Variants in REDIC1 observed in about 807,000 individuals in gnomAD.
REDIC1 encodes HEI10 Interacting Protein 1.
chr12:39,794,694 C>T, the REDIC1 span, among the ~76,000 whole-genome samples: 1 of 152,166 alleles, frequency 6.6e-6, no homozygotes, highest in Non-Finnish European at 1.5e-5. Flanking sequence ...GTTATCCAAC[C>T]ATGTGGCAGC....
the REDIC1 span, among the ~76,000 whole-genome samples, chr12:39,670,149 G>A: frequency 1.9e-4 from 29 of 152,030 alleles, no homozygotes; most frequent in African/African-American, 7.0e-4. Context: ...CTCACGCTGG[G>A]AGCTGTAGAC....
chr12:39,637,555 G>A, the REDIC1 span, among the ~76,000 whole-genome samples: 3 of 152,044 alleles, frequency 2.0e-5, no homozygotes, highest in African/African-American at 7.2e-5. Context: ...TGCATGCTAT[G>A]GAAGTCATAT....
the REDIC1 span, among the ~76,000 whole-genome samples, chr12:39,727,245 T>C: frequency 6.6e-5 from 10 of 152,196 alleles, no homozygotes; most frequent in African/African-American, 1.7e-4. Context: ...TCCTGAATGG[T>C]ATTGCCTAGG....
the REDIC1 span, chr12:39,650,283 T>C: frequency 6.2e-7 from 1 of 1,611,730 alleles, no homozygotes; most frequent in Non-Finnish European, 8.5e-7. This position sits in a 1 kb window ranked among gnomAD's most constrained non-coding sequence, Gnocchi z 4.3. Context: ...CCAAATTAAA[T>C]AAAAGTCAAG....
chr12:39,857,981 C>G, the REDIC1 span, among the ~76,000 whole-genome samples: 1 of 152,082 alleles, frequency 6.6e-6, no homozygotes, highest in South Asian at 2.1e-4. Flanking sequence ...AACAAAAAAC[C>G]AAGGTTTGGG....
the REDIC1 span, among the ~76,000 whole-genome samples, chr12:39,843,536 A>G: frequency 6.6e-6 from 1 of 152,110 alleles, no homozygotes; most frequent in Non-Finnish European, 1.5e-5. Flanking sequence ...TTCAAGGTAG[A>G]TAGAGAATTA....
At chr12:39,654,512 C>G in the REDIC1 span, among the ~76,000 whole-genome samples, 1 of 151,752 alleles carries the variant, frequency 6.6e-6, no homozygotes, top group Non-Finnish European at 1.5e-5. Context: ...GGTGTGAACC[C>G]GGCAGGCGGA....
the REDIC1 span, chr12:39,646,280 A>G: frequency 4.9e-6 from 3 of 608,886 alleles, no homozygotes; most frequent in Admixed American, 8.5e-5. Context: ...GTACTTTTAC[A>G]ATTTTTTATT....
At chr12:39,668,002 G>T in the REDIC1 span, among the ~76,000 whole-genome samples, 1 of 151,922 alleles carries the variant, frequency 6.6e-6, no homozygotes, top group Non-Finnish European at 1.5e-5. Context: ...CACACTGATG[G>T]GTCTTAACTC....
the REDIC1 span, among the ~76,000 whole-genome samples, chr12:39,845,694 T>A: frequency 6.6e-6 from 1 of 152,154 alleles, no homozygotes; most frequent in Non-Finnish European, 1.5e-5. Flanking sequence ...GATAGCATCA[T>A]GTCCTCTGAT....
chr12:39,781,456 GGCTAGTACAGTGACAT>G, the REDIC1 span, among the ~76,000 whole-genome samples: 1 of 152,128 alleles, frequency 6.6e-6, no homozygotes, highest in East Asian at 1.9e-4. Context: ...ATGCCCCAGG[GGCTAGTACAGTGACAT>G]GCACACAGTT....
chr12:39,850,540 A>G, the REDIC1 span, among the ~76,000 whole-genome samples: 140 of 152,296 alleles, frequency 9.2e-4, no homozygotes, highest in African/African-American at 3.1e-3. Flanking sequence ...AAACATACAC[A>G]CTTAAGTTAT....
chr12:39,757,908 T>G, the REDIC1 span: 3 of 152,186 alleles, frequency 2.0e-5, no homozygotes, highest in African/African-American at 7.3e-5. Flanking sequence ...TTTGATTAAG[T>G]CCAAAAAATA....
chr12:39,886,888 C>T, the REDIC1 span, among the ~76,000 whole-genome samples: 1 of 152,184 alleles, frequency 6.6e-6, no homozygotes, highest in African/African-American at 2.4e-5. Context: ...GAGCACTTAA[C>T]TAAATGCCAA....
At chr12:39,659,406 G>T in the REDIC1 span, among the ~76,000 whole-genome samples, 6 of 151,934 alleles carry the variant, frequency 3.9e-5, no homozygotes, top group Admixed American at 3.3e-4. Context: ...CTCCTTGGGG[G>T]ACTCAAATTG....
At chr12:39,897,801 ATTTG>A in the REDIC1 span, among the ~76,000 whole-genome samples, 4 of 152,144 alleles carry the variant, frequency 2.6e-5, no homozygotes, top group Admixed American at 2.0e-4. Context: ...CATTACTTAC[ATTTG>A]TTTGAAGACT....
chr12:39,850,877 T>G, the REDIC1 span, among the ~76,000 whole-genome samples: 3 of 152,040 alleles, frequency 2.0e-5, no homozygotes, highest in East Asian at 5.8e-4. Context: ...CAGGAAGAGC[T>G]GAATATTTAG....
the REDIC1 span, among the ~76,000 whole-genome samples, chr12:39,700,577 A>G: frequency 6.6e-6 from 1 of 152,126 alleles, no homozygotes; most frequent in East Asian, 1.9e-4. Context: ...TTCAGGAAAC[A>G]GAGATAATGC....
chr12:39,642,402 C>T, the REDIC1 span, among the ~76,000 whole-genome samples: 2,015 of 151,626 alleles, frequency 0.013, 35 homozygotes, highest in African/African-American at 0.045. Context: ...AACTCATTTC[C>T]AAAGAAGTCT....
Sources: allele counts gnomAD v4.1 joint callset (sites outside exome capture counted in the v4.1 genomes callset), GRCh38; gene constraint gnomAD v4.1.1; non-coding constraint Gnocchi (gnomAD v3.1); transcripts MANE v1.5; gene names NCBI Gene and HGNC (gene_info 2026-07-23, HGNC 2026-07-21).